The following IGSF3 variants were observed in gnomAD, a reference collection of about 807,000 sequenced individuals.
IGSF3 encodes the protein immunoglobulin superfamily member 3.
A neutral mutation model predicts 114.4 loss-of-function variants in IGSF3; 23 were observed. The ratio of observed to expected loss-of-function variants is 0.20; its 90% CI spans 0.14 to 0.28. The LOEUF (loss-of-function observed/expected upper bound fraction) is 0.28, where lower values mean the gene tolerates loss of function less well. Among genes scored for constraint, IGSF3 ranks in the 10% least tolerant of loss-of-function variants. The probability of loss-of-function intolerance (pLI) is 1.00; values close to 1 mark genes in which losing one functional copy is unlikely to be tolerated. For missense variants in IGSF3, 1,172 were observed against 1,591.5 expected (o/e 0.74, Z 4.48); for synonymous variants, 571 against 645.2 (o/e 0.88, Z 1.74).
chr1:116,623,050 T>C (rs1557875933), intron 2 of IGSF3, among the ~76,000 whole-genome samples: 1 of 152,180 alleles, frequency 6.6e-6, no homozygotes, highest in African/African-American at 2.4e-5. Flanking sequence ...GAGAAAGCAA[T>C]CGGGAAGGCC....
rs1336638054 is a variant in IGSF3 at position 116,634,314 on chromosome 1, G to C, written c.44-17857C>G. ...GTTTAAAAATCTAAGAGGAAAAAAG[G>C]GTAGGCTCCAGCTAGCGGAGAGAAC... On this transcript the variant is annotated intron_variant, in intron 2 of 10. Coordinates refer to ENST00000369486, the MANE Select transcript of IGSF3 (RefSeq NM_001007237.3). The surrounding 1 kb of genome is among the most constrained non-coding windows in gnomAD (Gnocchi z 4.2). 1.3e-5 allele frequency among the ~76,000 whole-genome samples: 2 copies of C among 152,160 alleles called. No individual in the cohort carries two copies. Among genetic ancestry groups the C allele is most frequent in the Non-Finnish European group, 2.9e-5 (2 of 68,026 alleles).
At chr1:116,640,807 A>G (rs1648056462) in intron 2 of IGSF3, among the ~76,000 whole-genome samples, 1 of 152,242 alleles carries the variant, frequency 6.6e-6, no homozygotes, top group Admixed American at 6.5e-5. Context: ...TTGCTCTGCA[A>G]CATCAGTGCA....
chr1:116,586,578 G>A (rs577055383), intron 8 of IGSF3, among the ~76,000 whole-genome samples: 1 of 152,180 alleles, frequency 6.6e-6, no homozygotes, highest in African/African-American at 2.4e-5. Flanking sequence ...CACTGTAACA[G>A]AGACTTCACT....
At position 116,576,990 on chromosome 1, in the gene IGSF3, C is replaced by A; in HGVS notation, c.*322G>T. ...AGAGTACATTACAAAGAATAAGAAG[C>A]CCTGTAACATCTATCTGAGAATACT... is the stretch of plus-strand genomic sequence containing the variant. On this transcript the variant is annotated 3_prime_UTR_variant, in exon 11 of 11. Coordinates refer to ENST00000369486, the MANE Select transcript of IGSF3 (RefSeq NM_001007237.3). The surrounding 1 kb of genome is among the most constrained non-coding windows in gnomAD (Gnocchi z 4.6). 1 of 271,408 alleles carries A rather than the reference C, an allele frequency of 3.7e-6. No homozygotes were observed. The highest frequency in any genetic ancestry group is 2.2e-5 in the African/African-American group (1 of 45,178). The allele number at this position is 271,408 out of a possible 1,614,324, so 16.8% of individuals were successfully genotyped here.
intron 2 of IGSF3, among the ~76,000 whole-genome samples, chr1:116,658,603 G>A (rs1281204599): frequency 2.0e-5 from 3 of 151,958 alleles, no homozygotes; most frequent in Non-Finnish European, 4.4e-5. Flanking sequence ...GGACATTCAG[G>A]TTTCTCCACC....
In IGSF3 at chr1:116,579,979, C is replaced by A. The variant is rs950889508; in HGVS notation, c.2849-102G>T. 5 of 1,057,862 alleles carry A rather than the reference C, an allele frequency of 4.7e-6. No homozygotes were observed. In the African/African-American group the frequency reaches 4.8e-5, roughly 10 times the overall value. The allele number at this position is 1,057,862 out of a possible 1,614,324, so 65.5% of individuals were successfully genotyped here. A position where few individuals can be genotyped will look rare whatever the true frequency, so the allele number is the denominator to read the frequency against. ...TAAACACATGATAGTAACATCCATA[C>A]TATAAGATATTATGCACCTATTGAA... On this transcript the variant is annotated intron_variant, in intron 9 of 10. Coordinates refer to ENST00000369486, the MANE Select transcript of IGSF3 (RefSeq NM_001007237.3). This position sits in a 1 kb window ranked among gnomAD's most constrained non-coding sequence, Gnocchi z 6.4.
rs1661498999 is a variant in IGSF3, at chr1:116,624,056, T to G, written c.44-7599A>C. On this transcript the variant is annotated intron_variant, in intron 2 of 10. Coordinates refer to ENST00000369486, the MANE Select transcript of IGSF3 (RefSeq NM_001007237.3). This position sits in a 1 kb window ranked among gnomAD's most constrained non-coding sequence, Gnocchi z 4.9. Reference sequence around the variant, plus strand: ...GAGCCGAGATCATGTCATTGCACTGTGGGCTGGGCAACAGAGAAAGACTCT... The same window carrying G: ...GAGCCGAGATCATGTCATTGCACTGGGGGCTGGGCAACAGAGAAAGACTCT... Among the ~76,000 whole-genome samples, 1 of 140,866 alleles carries G rather than the reference T, an allele frequency of 7.1e-6. No individual in the cohort carries two copies. Among genetic ancestry groups the G allele is most frequent in the Non-Finnish European group, 1.5e-5 (1 of 66,170 alleles). The allele number at this position is 140,866 out of a possible 152,430, so 92.4% of individuals were successfully genotyped here.
At position 116,607,832 on chromosome 1, in the gene IGSF3, G is replaced by T; in HGVS notation, c.1222+110C>A. The T allele has an allele frequency of 9.2e-7, 1 of 1,089,888 alleles. No individual in the cohort carries two copies. Among genetic ancestry groups the T allele is most frequent in the Non-Finnish European group, 1.4e-6 (1 of 732,340 alleles). 67.5% of individuals were successfully genotyped at this position (1,089,888 alleles called of 1,614,324 possible). A position where few individuals can be genotyped will look rare whatever the true frequency, so the allele number is the denominator to read the frequency against. On this transcript the variant is annotated intron_variant, in intron 5 of 10. Transcript: ENST00000369486. This position sits in a 1 kb window ranked among gnomAD's most constrained non-coding sequence, Gnocchi z 6.1. The stretch of plus-strand genomic sequence containing the variant: ...TTTCCCCCAGCTCTGCATTAACCTC[G>T]AGGGTTCCATCTGCCTCCCCTCACC...
rs1659980445 is a variant in IGSF3 at position 116,589,113 on chromosome 1, G to A, written c.2030-9C>T. 6.2e-7 allele frequency: 1 copy of A among 1,607,914 alleles called. No homozygotes were observed. The highest frequency in any genetic ancestry group is 1.1e-5 in the South Asian group (1 of 90,164). ...CACCTGCAGCTTTGTCACTGCAAAG[G>A]AAAGGGGAACACAGGAATCACCACA... On this transcript the variant is annotated splice_polypyrimidine_tract_variant and intron_variant, in intron 7 of 10. Transcript: ENST00000369486. This position sits in a 1 kb window ranked among gnomAD's most constrained non-coding sequence, Gnocchi z 5.7.
Position 116,584,598 on chromosome 1 carries a change from A to C in IGSF3, c.2848+47T>G. 6.3e-7 allele frequency: 1 copy of C among 1,591,634 alleles called. No individual in the cohort carries two copies. Among genetic ancestry groups the C allele is most frequent in the Non-Finnish European group, 8.6e-7 (1 of 1,160,166 alleles). On this transcript the variant is annotated intron_variant, in intron 9 of 10. Coordinates refer to ENST00000369486, the MANE Select transcript of IGSF3 (RefSeq NM_001007237.3). This position sits in a 1 kb window ranked among gnomAD's most constrained non-coding sequence, Gnocchi z 5.8. ...CCAGTGCATAAAACAGTATACTTAAATGGGAAACACCAGAGGGAGTGGAAG... is the reference window on the plus strand; with the variant it reads ...CCAGTGCATAAAACAGTATACTTAACTGGGAAACACCAGAGGGAGTGGAAG...
chr1:116,640,535 T>C (rs1278686191), intron 2 of IGSF3, among the ~76,000 whole-genome samples: 2 of 152,234 alleles, frequency 1.3e-5, no homozygotes, highest in Non-Finnish European at 2.9e-5. Context: ...TAAAATGGCA[T>C]CACACTGTAT....
rs1557853387 is a variant in IGSF3 at position 116,579,707 on chromosome 1, C to T, written c.3019G>A (p.Glu1007Lys). Residue 1007 changes from glutamate (E) to lysine (K), a missense_variant, in exon 10 of 11, where the codon GAA becomes AAA. This residue lies in a region of IGSF3 where 423 missense variants were observed against 509.8 expected (regional missense o/e 0.83). Coordinates refer to ENST00000369486, the MANE Select transcript of IGSF3 (RefSeq NM_001007237.3). The surrounding 1 kb of genome is among the most constrained non-coding windows in gnomAD (Gnocchi z 6.4). ...TCCTCCCTTTCCTCTTCCTGTTCTT[C>T]CAGGCCAGGGCTGCTCCTTTTCCCC... The part of the protein sequence containing the change: ...AGGKRSSPGL[E>K]EQEEEREEEE... 1.2e-6 allele frequency: 2 copies of T among 1,601,724 alleles called. No individual in the cohort carries two copies. The highest frequency in any genetic ancestry group is 1.7e-6 in the Non-Finnish European group (2 of 1,173,762).
chr1:116,640,310 G>T (rs10801909), intron 2 of IGSF3, among the ~76,000 whole-genome samples: 9,119 of 152,176 alleles, frequency 0.06, 896 homozygotes, highest in African/African-American at 0.21. Flanking sequence ...GCCACACCTG[G>T]TTTAGTTTTT....
Position 116,667,649 on chromosome 1 carries a change from C to A in IGSF3, c.-662G>T. The A allele has an allele frequency of 1.3e-5, 2 of 151,516 alleles. No individual in the cohort carries two copies. The highest frequency in any genetic ancestry group is 4.0e-4 in the South Asian group (2 of 4,960). The allele number at this position is 151,516 out of a possible 1,614,324, so 9.4% of individuals were successfully genotyped here. Reference sequence around the variant, plus strand: ...CCTGGCCCTCTCCCTCCGCGCGCGTCGGACCGTCCTTCAGTCCATCCAGGC... The same window carrying A: ...CCTGGCCCTCTCCCTCCGCGCGCGTAGGACCGTCCTTCAGTCCATCCAGGC... On this transcript the variant is annotated 5_prime_UTR_variant, in exon 1 of 11. Transcript: ENST00000369486.
rs1313714062 is a variant in IGSF3 at position 116,603,863 on chromosome 1, C to T, written c.1385G>A (p.Trp462Ter). Residue 462 changes from tryptophan to a stop codon, truncating the protein, a stop_gained, in exon 6 of 11, where the codon TGG becomes TAG. Transcript: ENST00000369486. LOFTEE classifies it high-confidence loss of function. This position sits in a 1 kb window ranked among gnomAD's most constrained non-coding sequence, Gnocchi z 7.1. ...DRQNRRSNIM[W>*]LDRDGTVQPG... The stretch of plus-strand genomic sequence containing the variant: ...CTGCACGGTGCCATCCCGGTCTAGC[C>T]ACATGATATTGCTGCGGCGGTTCTG... The T allele has an allele frequency of 6.2e-7, 1 of 1,614,066 alleles. No homozygotes were observed.
chr1:116,590,174 T>A (rs1660043652), intron 7 of IGSF3, among the ~76,000 whole-genome samples: 1 of 151,756 alleles, frequency 6.6e-6, no homozygotes, highest in African/African-American at 2.4e-5. Flanking sequence ...ACTGTCCTGC[T>A]CCAAAAACAG....
At chr1:116,658,647 C>T (rs149525940) in intron 2 of IGSF3, among the ~76,000 whole-genome samples, 71 of 152,334 alleles carry the variant, frequency 4.7e-4, no homozygotes, top group African/African-American at 1.6e-3. Flanking sequence ...CTCTACCCCA[C>T]AATTCCAACA....
chr1:116,623,336 C>T (rs1014495798), intron 2 of IGSF3, among the ~76,000 whole-genome samples: 3 of 152,338 alleles, frequency 2.0e-5, no homozygotes, highest in Middle Eastern at 3.4e-3. Context: ...AGTGACCTCA[C>T]TTTACGGATG....
rs962088082 is a variant in IGSF3 at position 116,643,635 on chromosome 1, C to T, written c.43+22649G>A. The stretch of plus-strand genomic sequence containing the variant: ...CACAGCGACTGACAAGGATGAGGAG[C>T]AGAAGGGCAGGTGGCTTCCTGGGTG... On this transcript the variant is annotated intron_variant, in intron 2 of 10. Coordinates refer to ENST00000369486, the MANE Select transcript of IGSF3 (RefSeq NM_001007237.3). Among the ~76,000 whole-genome samples the T allele has an allele frequency of 6.6e-5, 10 of 152,346 alleles. No homozygotes were observed. In the South Asian group the frequency reaches 1.2e-3, roughly 19 times the overall value.
Sources: allele counts gnomAD v4.1 joint callset (sites outside exome capture counted in the v4.1 genomes callset), GRCh38; gene constraint gnomAD v4.1.1; regional missense constraint gnomAD v4.1.1; non-coding constraint Gnocchi (gnomAD v3.1); transcripts MANE v1.5; gene names NCBI Gene and HGNC (gene_info 2026-07-23, HGNC 2026-07-21).